Variants in SAMD5 observed in about 807,000 individuals in gnomAD.
SAMD5 encodes the protein sterile alpha motif domain containing 5.
Under a neutral mutation model 11.3 loss-of-function variants are expected in SAMD5, and 13 were observed. The observed-to-expected ratio is 1.15, with a 90% CI of 0.75 to 1.83. SAMD5 has a LOEUF of 1.83. Ranked by LOEUF, SAMD5 falls within the 40% of genes most tolerant of loss-of-function variation. The probability of loss-of-function intolerance (pLI) is 0.00; values close to 1 mark genes in which losing one functional copy is unlikely to be tolerated. For missense variants in SAMD5, 255 were observed against 239.1 expected (o/e 1.07, Z -0.44); for synonymous variants, 129 against 111.3 (o/e 1.16, Z -1.00).
intron 1 of SAMD5, among the ~76,000 whole-genome samples, chr6:147,602,878 G>A (rs1340155751): frequency 6.6e-6 from 1 of 152,118 alleles, no homozygotes; most frequent in Non-Finnish European, 1.5e-5. Flanking sequence ...GGCCAATAAT[G>A]CTAAAATGAA....
At position 147,668,040 on chromosome 6, in the gene SAMD5, A is replaced by G. The variant is rs574704764; in HGVS notation, c.163-69277A>G. 2.4e-4 allele frequency among the ~76,000 whole-genome samples: 36 copies of G among 152,306 alleles called. No homozygotes were observed. In the East Asian group the frequency reaches 5.0e-3, roughly 21 times the overall value. Reference sequence around the variant, plus strand: ...TGCATTATAAAAATTACGTCTAACTAAAAATGCGATACAAGAATTTCTGCC... The same window carrying G: ...TGCATTATAAAAATTACGTCTAACTGAAAATGCGATACAAGAATTTCTGCC... On this transcript the variant is annotated intron_variant, in intron 1 of 1. Coordinates refer to the SAMD5 transcript ENST00000566741.
the SAMD5 span, among the ~76,000 whole-genome samples, chr6:147,834,607 T>A: frequency 1.3e-5 from 2 of 152,192 alleles, no homozygotes; most frequent in African/African-American, 4.8e-5. Context: ...TTGGGTTATT[T>A]TATAGGCATT....
the SAMD5 span, among the ~76,000 whole-genome samples, chr6:147,880,874 A>G: frequency 6.6e-6 from 1 of 152,226 alleles, no homozygotes; most frequent in Non-Finnish European, 1.5e-5. Flanking sequence ...CCTGAAAAAA[A>G]CATCTGATTT....
the SAMD5 span, among the ~76,000 whole-genome samples, chr6:147,946,631 C>T: frequency 6.6e-5 from 10 of 152,130 alleles, no homozygotes; most frequent in Non-Finnish European, 1.2e-4. Flanking sequence ...TATTTAGGTA[C>T]TGGAGACTGC....
chr6:147,572,727 G>T (rs1007285405), downstream of SAMD5, among the ~76,000 whole-genome samples: 1 of 152,168 alleles, frequency 6.6e-6, no homozygotes, highest in Non-Finnish European at 1.5e-5. Context: ...TCAAACTATA[G>T]TTAATGTACT....
At chr6:147,555,106 T>A (rs183018847) in intron 1 of SAMD5, among the ~76,000 whole-genome samples, 3 of 152,328 alleles carry the variant, frequency 2.0e-5, no homozygotes, top group Non-Finnish European at 2.9e-5. Flanking sequence ...AAAATAGCCT[T>A]GATGAAGCAG....
chr6:147,657,163 C>G (rs767617273), intron 1 of SAMD5, among the ~76,000 whole-genome samples: 1 of 151,990 alleles, frequency 6.6e-6, no homozygotes, highest in Non-Finnish European at 1.5e-5. Flanking sequence ...AAGGAAGCTA[C>G]GTACTTTCTT....
At chr6:147,843,448 C>G in the SAMD5 span, among the ~76,000 whole-genome samples, 1 of 152,078 alleles carries the variant, frequency 6.6e-6, no homozygotes, top group African/African-American at 2.4e-5. Flanking sequence ...AGTGCAATTC[C>G]TATCAAAATT....
the SAMD5 span, among the ~76,000 whole-genome samples, chr6:147,748,678 A>G: frequency 1.3e-5 from 2 of 152,304 alleles, no homozygotes; most frequent in South Asian, 4.2e-4. Flanking sequence ...GAGAGAGAAG[A>G]GGAGAAAGAA....
chr6:147,892,667 AATATT>A, the SAMD5 span, among the ~76,000 whole-genome samples: 1 of 152,172 alleles, frequency 6.6e-6, no homozygotes, highest in African/African-American at 2.4e-5. Context: ...CTAAAAAGGA[AATATT>A]CGGAGAGCTT....
chr6:147,821,969 A>T, the SAMD5 span, among the ~76,000 whole-genome samples: 1 of 152,172 alleles, frequency 6.6e-6, no homozygotes, highest in African/African-American at 2.4e-5. Flanking sequence ...CACATTTTTT[A>T]AAGTTAAAAA....
intron 1 of SAMD5, among the ~76,000 whole-genome samples, chr6:147,678,945 A>T (rs1172855325): frequency 1.3e-5 from 2 of 152,162 alleles, no homozygotes; most frequent in Non-Finnish European, 2.9e-5. Context: ...GTATTGTTGT[A>T]TGTCTCAATA....
the SAMD5 span, among the ~76,000 whole-genome samples, chr6:147,744,057 GGAA>G: frequency 6.6e-6 from 1 of 152,156 alleles, no homozygotes; most frequent in African/African-American, 2.4e-5. Flanking sequence ...ACTAATGTAT[GGAA>G]TAGTCAAACT....
chr6:147,578,809 T>C (rs556714872), intron 1 of SAMD5, among the ~76,000 whole-genome samples: 139 of 151,740 alleles, frequency 9.2e-4, no homozygotes, highest in Non-Finnish European at 1.8e-3. Context: ...AAAAACCCAA[T>C]CTATATTTGT....
At position 147,637,612 on chromosome 6, in the gene SAMD5, C is replaced by T. The variant is rs6908677; in HGVS notation, c.163-99705C>T. ...TGCAGTCTAAGTGGTAAGACATAGG[C>T]GAGGGATTATACACCTTTTCATTTT... On this transcript the variant is annotated intron_variant, in intron 1 of 1. Coordinates refer to the SAMD5 transcript ENST00000566741. 2.1e-3 allele frequency among the ~76,000 whole-genome samples: 318 copies of T among 152,102 alleles called. 1 individual carries two copies. Among genetic ancestry groups the T allele is most frequent in the African/African-American group, 7.1e-3 (294 of 41,460 alleles).
intron 1 of SAMD5, among the ~76,000 whole-genome samples, chr6:147,727,943 T>C (rs1265644541): frequency 6.6e-6 from 1 of 152,208 alleles, no homozygotes; most frequent in Non-Finnish European, 1.5e-5. Context: ...AATCTAGCAT[T>C]TCTCTTACCT....
intron 1 of SAMD5, among the ~76,000 whole-genome samples, chr6:147,716,112 G>C (rs553095563): frequency 6.6e-6 from 1 of 152,116 alleles, no homozygotes; most frequent in African/African-American, 2.4e-5. Context: ...GCCTCCTGCC[G>C]CCATTCATGG....
intron 1 of SAMD5, among the ~76,000 whole-genome samples, chr6:147,698,589 T>TTTCA (rs1051250678): frequency 3.3e-5 from 5 of 152,152 alleles, no homozygotes; most frequent in African/African-American, 7.2e-5. Flanking sequence ...AGAGTAGTCA[T>TTTCA]TTCATTCATT....
intron 1 of SAMD5, among the ~76,000 whole-genome samples, chr6:147,622,039 G>C (rs898710701): frequency 6.6e-6 from 1 of 152,144 alleles, no homozygotes; most frequent in Non-Finnish European, 1.5e-5. Flanking sequence ...GAAGAGTTTT[G>C]CCTGGGCTGT....
Sources: allele counts gnomAD v4.1 joint callset (sites outside exome capture counted in the v4.1 genomes callset), GRCh38; gene constraint gnomAD v4.1.1; transcripts MANE v1.5; gene names NCBI Gene and HGNC (gene_info 2026-07-23, HGNC 2026-07-21).